The following NPTN variants were observed in gnomAD, a reference collection of about 807,000 sequenced individuals.
NPTN encodes the protein SDR-1.
A neutral mutation model predicts 42.7 loss-of-function variants in NPTN; 5 were observed. That is an observed-to-expected ratio of 0.12 (90% CI 0.06 to 0.25). The LOEUF (loss-of-function observed/expected upper bound fraction) is 0.25, where lower values mean the gene tolerates loss of function less well. NPTN is among the 10% of genes least tolerant of loss of function. The probability of loss-of-function intolerance (pLI) is 1.00; values close to 1 mark genes in which losing one functional copy is unlikely to be tolerated. For synonymous variants in NPTN, 180 were observed against 201.9 expected (o/e 0.89, Z 0.92); for missense variants, 307 against 525.4 (o/e 0.58, Z 4.06).
intron 1 of NPTN, among the ~76,000 whole-genome samples, chr15:73,628,179 A>T (rs1373128709): frequency 6.6e-6 from 1 of 152,188 alleles, no homozygotes; most frequent in Non-Finnish European, 1.5e-5. Flanking sequence ...GTGATTCTCC[A>T]ACATTATTTT....
intron 3 of NPTN, among the ~76,000 whole-genome samples, chr15:73,589,798 A>G (rs568166697): frequency 7.9e-5 from 7 of 89,040 alleles, no homozygotes; most frequent in African/African-American, 1.9e-4. Context: ...TGGCGGCACA[A>G]TATTCTGTGA....
At chr15:73,591,374 G>C (rs1160590769) in intron 3 of NPTN, among the ~76,000 whole-genome samples, 1 of 152,126 alleles carries the variant, frequency 6.6e-6, no homozygotes, top group African/African-American at 2.4e-5. Flanking sequence ...ATTCCAAAAA[G>C]CACCAAATAT....
chr15:73,618,050 T>G (rs1897947633), intron 1 of NPTN, among the ~76,000 whole-genome samples: 1 of 152,232 alleles, frequency 6.6e-6, no homozygotes, highest in African/African-American at 2.4e-5. Context: ...TTCACAACGT[T>G]TCACGTATGC....
At chr15:73,599,263 G>C (rs1307910101) in intron 1 of NPTN, among the ~76,000 whole-genome samples, 3 of 151,998 alleles carry the variant, frequency 2.0e-5, no homozygotes, top group Non-Finnish European at 4.4e-5. Context: ...GCCATGTCTC[G>C]GTCTCACAAA....
At chr15:73,580,687 A>G (rs1488075203) in intron 4 of NPTN, among the ~76,000 whole-genome samples, 1 of 150,556 alleles carries the variant, frequency 6.6e-6, no homozygotes, top group East Asian at 1.9e-4. Context: ...GTAACTGCAG[A>G]GCAAAGAGCC....
chr15:73,564,478 A>G (rs1894865241), intron 6 of NPTN, among the ~76,000 whole-genome samples: 1 of 152,172 alleles, frequency 6.6e-6, no homozygotes, highest in South Asian at 2.1e-4. Flanking sequence ...GCAAAAAAGG[A>G]TTTCAAAAAA....
intron 1 of NPTN, among the ~76,000 whole-genome samples, chr15:73,621,654 C>T (rs902655758): frequency 6.6e-6 from 1 of 152,226 alleles, no homozygotes; most frequent in Admixed American, 6.5e-5. Context: ...GTTCTTTCTA[C>T]TTAACTTCAT....
chr15:73,605,103 G>GT (rs1456999401), intron 1 of NPTN, among the ~76,000 whole-genome samples: 8 of 146,162 alleles, frequency 5.5e-5, no homozygotes, highest in African/African-American at 2.2e-4. Flanking sequence ...GTCTCAAGGG[G>GT]GGGGGGGGAA....
intron 4 of NPTN, among the ~76,000 whole-genome samples, chr15:73,576,789 C>G (rs1895725386): frequency 6.6e-6 from 1 of 152,180 alleles, no homozygotes; most frequent in Non-Finnish European, 1.5e-5. Flanking sequence ...AGAGTTCTGT[C>G]AAAGCCAATT....
At chr15:73,568,583 AG>A (rs1895178368) in intron 6 of NPTN, 1 of 985,364 alleles carries the variant, frequency 1.0e-6, no homozygotes, top group African/African-American at 1.7e-5. Context: ...GTAGCAGGAA[AG>A]AAATACCTGG....
intron 1 of NPTN, among the ~76,000 whole-genome samples, chr15:73,628,827 T>A (rs910337437): frequency 2.5e-4 from 38 of 152,162 alleles, no homozygotes; most frequent in Admixed American, 7.2e-4. Flanking sequence ...TTTTTATTAA[T>A]GTCTAAAGGC....
chr15:73,616,321 C>A (rs1010712969), intron 1 of NPTN, among the ~76,000 whole-genome samples: 2 of 152,114 alleles, frequency 1.3e-5, no homozygotes, highest in African/African-American at 2.4e-5. Flanking sequence ...CCTAAAGATT[C>A]TTTGGAACAC....
At position 73,592,011 on chromosome 15, in the gene NPTN, A is replaced by T. The variant is rs748211797; in HGVS notation, c.566T>A (p.Val189Glu). 6.2e-7 allele frequency: 1 copy of T among 1,613,812 alleles called. No homozygotes were observed. The highest frequency in any genetic ancestry group is 1.7e-5 in the Admixed American group (1 of 59,988). ...ATTCTTACGAGTGGCACTCAGTTCC[A>T]CCCCATTCTTTGTCCAGTAGCTGTA... ...LTYSYWTKNG[V>E]ELSATRKNAS... The change falls in exon 3 of 9, where the codon GTG becomes GAG. Residue 189 changes from valine (V) to glutamate (E), a missense_variant. Val to Glu is a moderately radical substitution (Grantham distance 121, BLOSUM62 -2). Coordinates refer to ENST00000345330, the MANE Select transcript of NPTN (RefSeq NM_012428.4).
rs542550248 is a variant in NPTN, at chr15:73,575,354, T to C, written c.707-1559A>G. Among the ~76,000 whole-genome samples, 47 of 152,302 alleles carry C rather than the reference T, an allele frequency of 3.1e-4. 1 individual carries two copies. The South Asian group carries it at 9.8e-3, about 32-fold the overall frequency. ...CCGGTCTCGAACTGCTAACCTCAGA[T>C]GATCTGCCCGCCTCAGCCTCCCAAA... On this transcript the variant is annotated intron_variant, in intron 4 of 8. Transcript: ENST00000345330.
chr15:73,601,998 C>T (rs1316862649), intron 1 of NPTN, among the ~76,000 whole-genome samples: 1 of 151,868 alleles, frequency 6.6e-6, no homozygotes, highest in Non-Finnish European at 1.5e-5. Context: ...AGCTTGCTGG[C>T]AGGAAAAACT....
At chr15:73,615,325 C>T (rs1897812319) in intron 1 of NPTN, among the ~76,000 whole-genome samples, 1 of 152,076 alleles carries the variant, frequency 6.6e-6, no homozygotes, top group African/African-American at 2.4e-5. Context: ...ATAACAGCAG[C>T]TAGCCTTTAT....
At position 73,592,807 on chromosome 15, in the gene NPTN, A is replaced by G. The variant is rs561656746; in HGVS notation, c.440-670T>C. Among the ~76,000 whole-genome samples, 12 of 152,304 alleles carry G rather than the reference A, an allele frequency of 7.9e-5. No individual in the cohort carries two copies. In the East Asian group the frequency reaches 1.7e-3, roughly 22 times the overall value. On this transcript the variant is annotated intron_variant, in intron 2 of 8. Coordinates refer to ENST00000345330, the MANE Select transcript of NPTN (RefSeq NM_012428.4). ...AACAAGTTGTTGTTTTCAGAATTGC[A>G]CTTTAAAACACATTCCATTCTGAGA...
intron 1 of NPTN, among the ~76,000 whole-genome samples, chr15:73,631,184 T>C (rs1332027068): frequency 2.0e-5 from 3 of 152,244 alleles, no homozygotes; most frequent in African/African-American, 7.2e-5. Flanking sequence ...AGATTAAACA[T>C]GTTAAGATCA....
chr15:73,584,881 G>A (rs1896241511), intron 4 of NPTN, among the ~76,000 whole-genome samples: 1 of 152,110 alleles, frequency 6.6e-6, no homozygotes, highest in African/African-American at 2.4e-5. Context: ...GTGATCTACA[G>A]GCTTTGGTTA....
Sources: gnomAD v4.1 joint callset for allele counts (sites outside exome capture counted in the v4.1 genomes callset) on GRCh38, gnomAD v4.1.1 for gene constraint, MANE v1.5 for transcripts, NCBI Gene and HGNC (gene_info 2026-07-23, HGNC 2026-07-21) for gene names.